Variants in ASH1L observed in about 807,000 individuals in gnomAD.
ASH1L encodes ASH1 like histone lysine methyltransferase, also known as histone-lysine N-methyltransferase ASH1L.
A neutral mutation model predicts 269.0 loss-of-function variants in ASH1L; 23 were observed. The observed-to-expected ratio is 0.09, with a 90% CI of 0.06 to 0.12. The LOEUF (loss-of-function observed/expected upper bound fraction) is 0.12. Among genes scored for constraint, ASH1L ranks in the 10% least tolerant of loss-of-function variants. The pLI is 1.00. For synonymous variants in ASH1L, 1,187 were observed against 1,253.5 expected (o/e 0.95, Z 1.12); for missense variants, 2,912 against 3,567.8 (o/e 0.82, Z 4.68).
intron 1 of ASH1L, among the ~76,000 whole-genome samples, chr1:155,525,171 T>C (rs1479447912): frequency 6.6e-6 from 1 of 151,778 alleles, no homozygotes; most frequent in Non-Finnish European, 1.5e-5. Flanking sequence ...GGCTGGAGCC[T>C]AGGAAATCGA....
At chr1:155,443,691 AGAAT>A (rs894330636) in intron 4 of ASH1L, among the ~76,000 whole-genome samples, 6 of 152,222 alleles carry the variant, frequency 3.9e-5, no homozygotes, top group Non-Finnish European at 8.8e-5. Flanking sequence ...ATGAAAAGAA[AGAAT>A]ATGTATTTTA....
chr1:155,545,175 CAAAAAAAAAAA>C (rs10624841), intron 1 of ASH1L, among the ~76,000 whole-genome samples: 17 of 21,778 alleles, frequency 7.8e-4, no homozygotes, highest in African/African-American at 1.3e-3. Flanking sequence ...TCCATCTCAC[CAAAAAAAAAAA>C]AAAAAAAAAA....
Position 155,343,815 on chromosome 1 carries a change from G to C in ASH1L, c.7982-73C>G. 6.5e-7 allele frequency: 1 copy of C among 1,548,504 alleles called. No homozygotes were observed. Among genetic ancestry groups the C allele is most frequent in the Non-Finnish European group, 8.8e-7 (1 of 1,132,530 alleles). ...AATTCTGTTAGGCATCTGTTTATCTGACTCAGGGTCTACATAGAACTCATA... is the reference window on the plus strand; with the variant it reads ...AATTCTGTTAGGCATCTGTTTATCTCACTCAGGGTCTACATAGAACTCATA... On this transcript the variant is annotated intron_variant, in intron 22 of 27. Transcript: ENST00000392403. The surrounding 1 kb of genome is among the most constrained non-coding windows in gnomAD (Gnocchi z 6.1).
intron 1 of ASH1L, among the ~76,000 whole-genome samples, chr1:155,552,054 T>G (rs1671256026): frequency 6.6e-6 from 1 of 152,188 alleles, no homozygotes; most frequent in Admixed American, 6.5e-5. Context: ...AAAAGATCTA[T>G]ATCGAAAAAA....
intron 1 of ASH1L, among the ~76,000 whole-genome samples, chr1:155,561,210 T>C (rs1671941637): frequency 6.6e-6 from 1 of 152,006 alleles, no homozygotes; most frequent in Non-Finnish European, 1.5e-5. Context: ...TCTTATTGTA[T>C]TGTAAACTAT....
At chr1:155,442,326 G>A (rs574468148) in intron 4 of ASH1L, among the ~76,000 whole-genome samples, 8 of 151,514 alleles carry the variant, frequency 5.3e-5, no homozygotes, top group Non-Finnish European at 1.2e-4. Flanking sequence ...GGTGGCTTAC[G>A]CCTGTAATCC....
At chr1:155,433,166 C>G (rs546961834) in intron 5 of ASH1L, 1 of 1,511,510 alleles carries the variant, frequency 6.6e-7, no homozygotes, top group South Asian at 1.2e-5. Flanking sequence ...CAGCTTGGGG[C>G]GCCTTCCTTC....
intron 3 of ASH1L, among the ~76,000 whole-genome samples, chr1:155,470,854 T>A (rs1381035658): frequency 4.6e-5 from 7 of 152,116 alleles, no homozygotes; most frequent in Non-Finnish European, 1.0e-4. Flanking sequence ...TGGCACACAA[T>A]AGGCACAAAA....
At chr1:155,533,094 G>A (rs958112002) in intron 1 of ASH1L, among the ~76,000 whole-genome samples, 1 of 151,556 alleles carries the variant, frequency 6.6e-6, no homozygotes, top group Non-Finnish European at 1.5e-5. Context: ...ATTTTCAGGG[G>A]TAGAAAGGGA....
intron 1 of ASH1L, among the ~76,000 whole-genome samples, chr1:155,552,967 C>T (rs988262936): frequency 2.0e-5 from 3 of 151,992 alleles, no homozygotes; most frequent in African/African-American, 4.8e-5. Flanking sequence ...TCGTAGAATC[C>T]GCCAACTCTA....
intron 10 of ASH1L, among the ~76,000 whole-genome samples, chr1:155,375,091 G>C (rs1377192681): frequency 2.6e-5 from 4 of 152,118 alleles, no homozygotes; most frequent in Non-Finnish European, 4.4e-5. Flanking sequence ...TGGGATTACA[G>C]ACGTGAGCCA....
At chr1:155,549,963 C>G (rs778365536) in intron 1 of ASH1L, among the ~76,000 whole-genome samples, 1 of 152,110 alleles carries the variant, frequency 6.6e-6, no homozygotes. Context: ...AAATATACCT[C>G]AAATCCACCC....
Position 155,482,421 on chromosome 1 carries a change from T to C in ASH1L, c.449A>G (p.Asp150Gly). ...CTGGCATTCAATGGCTGCAACATCA[T>C]CTGCTTTCTTGTACAACTTTGAAGG... ...RDPSKLYKKA[D>G]DVAAIECQSE... The change falls in exon 3 of 28, where the codon GAT becomes GGT. Residue 150 changes from aspartate to glycine, a missense_variant. This residue lies in a region of ASH1L where 277 missense variants were observed against 367.7 expected (regional missense o/e 0.75). Coordinates refer to ENST00000392403, the MANE Select transcript of ASH1L (RefSeq NM_018489.3). The C allele has an allele frequency of 6.2e-7, 1 of 1,613,222 alleles. No individual in the cohort carries two copies. The highest frequency in any genetic ancestry group is 2.2e-5 in the East Asian group (1 of 44,874).
At chr1:155,363,178 T>C (rs1429810856) in intron 12 of ASH1L, among the ~76,000 whole-genome samples, 1 of 152,028 alleles carries the variant, frequency 6.6e-6, no homozygotes, top group Admixed American at 6.6e-5. Flanking sequence ...AGACGGGATT[T>C]CTCCACGTTG....
intron 1 of ASH1L, among the ~76,000 whole-genome samples, chr1:155,558,034 C>CT (rs1294487050): frequency 1.3e-5 from 2 of 152,230 alleles, no homozygotes; most frequent in African/African-American, 2.4e-5. Flanking sequence ...CATAGTAAGA[C>CT]TTCTCCACTG....
intron 1 of ASH1L, among the ~76,000 whole-genome samples, chr1:155,543,987 TTTA>T (rs1202430615): frequency 3.9e-5 from 6 of 152,108 alleles, no homozygotes; most frequent in African/African-American, 1.4e-4. Flanking sequence ...GGATTTATTT[TTTA>T]TTTTTATTTT....
At chr1:155,541,473 T>A (rs558122214) in intron 1 of ASH1L, among the ~76,000 whole-genome samples, 1 of 152,104 alleles carries the variant, frequency 6.6e-6, no homozygotes, top group Non-Finnish European at 1.5e-5. Flanking sequence ...AAGTCACTAA[T>A]ATTATATAAG....
At position 155,374,450 on chromosome 1, in the gene ASH1L, G is replaced by A. The variant is rs534030431; in HGVS notation, c.6333-3467C>T. On this transcript the variant is annotated intron_variant, in intron 10 of 27. Transcript: ENST00000392403. ...ACCACCACGATTCTAAAGGGCACAC[G>A]GCACACAGTGTCAAATCATGTAAAT... 5.9e-5 allele frequency among the ~76,000 whole-genome samples: 9 copies of A among 152,254 alleles called. No homozygotes were observed. In the South Asian group the frequency reaches 1.2e-3, roughly 21 times the overall value.
At chr1:155,442,295 A>G (rs963316186) in intron 4 of ASH1L, among the ~76,000 whole-genome samples, 1 of 152,048 alleles carries the variant, frequency 6.6e-6, no homozygotes, top group Non-Finnish European at 1.5e-5. Flanking sequence ...TCTTTAAAAA[A>G]AAAACACAAA....
Sources: gnomAD v4.1 joint callset for allele counts (sites outside exome capture counted in the v4.1 genomes callset) on GRCh38, gnomAD v4.1.1 for gene constraint, gnomAD v4.1.1 regional missense constraint, Gnocchi (gnomAD v3.1) non-coding constraint, MANE v1.5 for transcripts, NCBI Gene and HGNC (gene_info 2026-07-23, HGNC 2026-07-21) for gene names.